The following C12orf42 variants were observed in gnomAD, a reference collection of about 807,000 sequenced individuals.
C12orf42 encodes the protein uncharacterized protein C12orf42.
Under a neutral mutation model 21.6 loss-of-function variants are expected in C12orf42, and 25 were observed. The ratio of observed to expected loss-of-function variants is 1.16; its 90% confidence interval spans 0.84 to 1.62. The LOEUF is 1.62. Ranked by LOEUF, C12orf42 falls within the 40% of genes most tolerant of loss-of-function variation. The pLI, the probability that C12orf42 is intolerant of heterozygous loss-of-function variation, is 0.00. For synonymous variants in C12orf42, 174 were observed against 175.0 expected, an observed-to-expected ratio of 0.99 and a Z score of 0.05; for missense variants, 483 against 459.3, an observed-to-expected ratio of 1.05 and a Z score of -0.47.
At chr12:103,416,062 C>T (rs1359968299) in intron 2 of C12orf42, among the ~76,000 whole-genome samples, 1 of 149,662 alleles carries the variant, frequency 6.7e-6, no homozygotes, top group African/African-American at 2.5e-5. Context: ...CTTTCTGCAA[C>T]TGAGTGTGTA....
the C12orf42 span, among the ~76,000 whole-genome samples, chr12:103,511,225 T>G: frequency 6.6e-6 from 1 of 152,146 alleles, no homozygotes; most frequent in African/African-American, 2.4e-5. Flanking sequence ...TAATAATACA[T>G]CAATAAAGTG....
chr12:103,364,885 G>A (rs1409536941), intron 4 of C12orf42, among the ~76,000 whole-genome samples: 1 of 151,982 alleles, frequency 6.6e-6, no homozygotes, highest in African/African-American at 2.4e-5. Flanking sequence ...CAGATTCACA[G>A]TTGAATTCTA....
chr12:103,554,967 G>A, the C12orf42 span, among the ~76,000 whole-genome samples: 2 of 152,094 alleles, frequency 1.3e-5, no homozygotes, highest in African/African-American at 4.8e-5. Flanking sequence ...AGTGAGCCTG[G>A]GAAAGGACGG....
chr12:103,172,039 A>C, the C12orf42 span, among the ~76,000 whole-genome samples: 1 of 152,188 alleles, frequency 6.6e-6, no homozygotes, highest in Non-Finnish European at 1.5e-5. Context: ...AAGATAGGGC[A>C]GAATGGTGAG....
chr12:103,190,701 A>G, the C12orf42 span, among the ~76,000 whole-genome samples: 10 of 152,332 alleles, frequency 6.6e-5, no homozygotes, highest in Non-Finnish European at 8.8e-5. Context: ...GAAATTATTC[A>G]GTCAGAGGAA....
chr12:103,238,776 C>T (rs2033580739), intron 10 of C12orf42, among the ~76,000 whole-genome samples: 1 of 152,132 alleles, frequency 6.6e-6, no homozygotes, highest in South Asian at 2.1e-4. Flanking sequence ...ATCAGTTGGC[C>T]AGGACTGAGC....
chr12:103,423,427 T>C (rs1168299269), intron 2 of C12orf42, among the ~76,000 whole-genome samples: 2 of 152,226 alleles, frequency 1.3e-5, no homozygotes, highest in African/African-American at 4.8e-5. Context: ...CCCAGCACTA[T>C]GGAAACTGCA....
intron 4 of C12orf42, among the ~76,000 whole-genome samples, chr12:103,362,804 A>G (rs2044232965): frequency 6.6e-6 from 1 of 152,018 alleles, no homozygotes; most frequent in African/African-American, 2.4e-5. Context: ...GACAACAAAA[A>G]AAGAATTTTA....
chr12:103,417,153 C>T lies in C12orf42; in HGVS notation c.79-15478G>A, dbSNP rs559995798. Among the ~76,000 whole-genome samples the T allele has an allele frequency of 9.7e-4, 148 of 152,292 alleles. 3 individuals are homozygous for T. The Middle Eastern group carries it at 0.014, about 14-fold the overall frequency. On this transcript the variant is annotated intron_variant, in intron 2 of 5. Coordinates refer to ENST00000548883, the MANE Select transcript of C12orf42 (RefSeq NM_198521.5). ...ACTAAAAAGAGTAACATAGGCATAA[C>T]TTCCCTCTTCTGTCTCTGAAATACA...
chr12:103,191,597 T>C, the C12orf42 span, among the ~76,000 whole-genome samples: 3 of 143,672 alleles, frequency 2.1e-5, no homozygotes, highest in East Asian at 6.0e-4. Flanking sequence ...AAAAATTATC[T>C]GGGTATGGTG....
chr12:103,413,868 A>G (rs189039901), intron 2 of C12orf42, among the ~76,000 whole-genome samples: 1 of 152,152 alleles, frequency 6.6e-6, no homozygotes, highest in East Asian at 1.9e-4. Context: ...TGTGTATATT[A>G]TATATACATC....
chr12:103,092,902 C>G, the C12orf42 span, among the ~76,000 whole-genome samples: 3 of 152,192 alleles, frequency 2.0e-5, no homozygotes, highest in Non-Finnish European at 4.4e-5. Flanking sequence ...TGTGATGCGC[C>G]ACCATCCTGG....
chr12:103,071,162 A>T, the C12orf42 span, among the ~76,000 whole-genome samples: 1 of 152,158 alleles, frequency 6.6e-6, no homozygotes, highest in Non-Finnish European at 1.5e-5. Context: ...TGCAGTTTCT[A>T]CCCATGTCAT....
At chr12:103,449,574 T>C (rs150141949) in intron 2 of C12orf42, among the ~76,000 whole-genome samples, 150 of 152,186 alleles carry the variant, frequency 9.9e-4, no homozygotes, top group African/African-American at 3.4e-3. Context: ...TGTTTTGGTG[T>C]GTAATACCAG....
intron 3 of C12orf42, among the ~76,000 whole-genome samples, chr12:103,397,047 G>A (rs931221928): frequency 2.6e-5 from 4 of 152,102 alleles, no homozygotes; most frequent in Non-Finnish European, 5.9e-5. Context: ...TTCTAAACTG[G>A]GAGGGAAAAG....
chr12:103,527,560 A>C, the C12orf42 span, among the ~76,000 whole-genome samples: 1 of 152,278 alleles, frequency 6.6e-6, no homozygotes, highest in Admixed American at 6.5e-5. Flanking sequence ...TCATGCTATC[A>C]TGAGTAGGTT....
chr12:103,446,203 C>A (rs1400809772), intron 2 of C12orf42, among the ~76,000 whole-genome samples: 1 of 151,944 alleles, frequency 6.6e-6, no homozygotes. Context: ...GATTGGGGTC[C>A]TATTTTTAGC....
intron 4 of C12orf42, among the ~76,000 whole-genome samples, chr12:103,290,563 GA>G (rs948169275): frequency 6.6e-6 from 1 of 152,164 alleles, no homozygotes; most frequent in African/African-American, 2.4e-5. Flanking sequence ...GGAGGTGTGG[GA>G]AGGAAGGAAC....
intron 4 of C12orf42, among the ~76,000 whole-genome samples, chr12:103,350,590 A>T (rs1436720749): frequency 1.3e-5 from 2 of 152,218 alleles, no homozygotes; most frequent in African/African-American, 4.8e-5. Context: ...AACATAGTAT[A>T]TATAGGATCC....
Sources: gnomAD v4.1 joint callset for allele counts (sites outside exome capture counted in the v4.1 genomes callset) on GRCh38, gnomAD v4.1.1 for gene constraint, MANE v1.5 for transcripts, NCBI Gene and HGNC (gene_info 2026-07-23, HGNC 2026-07-21) for gene names.